Variants in CALN1 observed in about 807,000 individuals in gnomAD.
CALN1 encodes calcium-binding protein 8.
In CALN1, 17 loss-of-function variants were observed where a neutral mutation model predicts 30.6. The ratio of observed to expected loss-of-function variants is 0.56; its 90% CI spans 0.38 to 0.83. The LOEUF (loss-of-function observed/expected upper bound fraction) is 0.83. CALN1 is among the 40% of genes least tolerant of loss of function. CALN1 has a pLI of 0.00. For missense variants in CALN1, 291 were observed against 354.9 expected (o/e 0.82, Z 1.45); for synonymous variants, 156 against 131.4 (o/e 1.19, Z -1.28).
intron 5 of CALN1, chr7:71,942,563 C>T (rs115737509): frequency 0.017 from 2,601 of 153,152 alleles, 80 homozygotes; most frequent in African/African-American, 0.059. Flanking sequence ...ATTTTTTGCC[C>T]GCCACACGGG....
intron 5 of CALN1, among the ~76,000 whole-genome samples, chr7:71,953,554 G>T (rs945841191): frequency 3.9e-5 from 6 of 152,010 alleles, no homozygotes; most frequent in African/African-American, 1.5e-4. Flanking sequence ...TCTCTTTCTG[G>T]TGTTTTCCGC....
intron 5 of CALN1, among the ~76,000 whole-genome samples, chr7:71,876,636 T>A (rs1295166014): frequency 6.6e-6 from 1 of 152,168 alleles, no homozygotes; most frequent in Non-Finnish European, 1.5e-5. Context: ...GGGGAGAATG[T>A]GATTTAGAGA....
upstream of CALN1, among the ~76,000 whole-genome samples, chr7:72,447,427 G>T (rs2129564626): frequency 6.6e-6 from 1 of 152,248 alleles, no homozygotes; most frequent in South Asian, 2.1e-4. Flanking sequence ...GTGGACCCAC[G>T]CACTGCCTAC....
chr7:71,978,443 T>C (rs1798219225), intron 5 of CALN1, among the ~76,000 whole-genome samples: 1 of 151,608 alleles, frequency 6.6e-6, no homozygotes, highest in Non-Finnish European at 1.5e-5. Context: ...CAGCTAATTT[T>C]TTTTGTATTT....
At chr7:71,990,880 G>C (rs1253840944) in intron 5 of CALN1, among the ~76,000 whole-genome samples, 1 of 152,034 alleles carries the variant, frequency 6.6e-6, no homozygotes, top group Non-Finnish European at 1.5e-5. Flanking sequence ...GGTCTGGATT[G>C]GGGCCCGTTT....
At chr7:72,454,078 T>A in the CALN1 span, among the ~76,000 whole-genome samples, 1 of 152,110 alleles carries the variant, frequency 6.6e-6, no homozygotes, top group African/African-American at 2.4e-5. Flanking sequence ...GCTTGTTATC[T>A]AATTGTGTTA....
chr7:72,246,230 C>T (rs1349386274), intron 3 of CALN1, among the ~76,000 whole-genome samples: 5 of 152,186 alleles, frequency 3.3e-5, no homozygotes, highest in Admixed American at 1.3e-4. Context: ...CCTTTTTCCT[C>T]TCTCAGATAG....
chr7:72,250,098 C>A (rs1335655550), intron 3 of CALN1, among the ~76,000 whole-genome samples: 1 of 152,180 alleles, frequency 6.6e-6, no homozygotes, highest in Non-Finnish European at 1.5e-5. Context: ...CTATCCTTCA[C>A]CCAACACCAC....
intron 2 of CALN1, among the ~76,000 whole-genome samples, chr7:72,341,318 T>A (rs973934922): frequency 6.6e-5 from 10 of 151,970 alleles, no homozygotes; most frequent in Non-Finnish European, 1.5e-4. Flanking sequence ...AGGTCAGGGG[T>A]TCGACACCAG....
At chr7:72,362,811 C>T (rs929552795) in intron 2 of CALN1, among the ~76,000 whole-genome samples, 1 of 152,172 alleles carries the variant, frequency 6.6e-6, no homozygotes, top group Non-Finnish European at 1.5e-5. Context: ...CCAGCCATCA[C>T]CTCCTCGGGC....
intron 1 of CALN1, among the ~76,000 whole-genome samples, chr7:72,424,587 T>C (rs2129563787): frequency 6.6e-6 from 1 of 152,222 alleles, no homozygotes; most frequent in South Asian, 2.1e-4. Context: ...ATTCTGTCTC[T>C]TAATTTATTT....
chr7:72,066,971 T>G (rs1804065895), intron 4 of CALN1, among the ~76,000 whole-genome samples: 1 of 151,306 alleles, frequency 6.6e-6, no homozygotes, highest in African/African-American at 2.4e-5. Flanking sequence ...TGTATTTTAG[T>G]AGAGATGGGG....
chr7:72,348,177 AAGTT>A (rs1176794581), intron 2 of CALN1, among the ~76,000 whole-genome samples: 2 of 152,232 alleles, frequency 1.3e-5, no homozygotes, highest in Non-Finnish European at 2.9e-5. Context: ...TCAACATAGT[AAGTT>A]AGTTTCCTTC....
intron 3 of CALN1, among the ~76,000 whole-genome samples, chr7:72,133,999 T>TGGCATTAAAA (rs1054589133): frequency 6.6e-6 from 1 of 152,210 alleles, no homozygotes; most frequent in Non-Finnish European, 1.5e-5. Context: ...CCCATTGTGG[T>TGGCATTAAAA]GGCATTAAAA....
In CALN1 at chr7:72,400,439, A is replaced by T. The variant is rs143441539; in HGVS notation, c.119+2812T>A. On this transcript the variant is annotated intron_variant, in intron 2 of 6. Transcript: ENST00000395275. ...TTTCTCAGATTTTCCACATCCTTCT[A>T]GGTCCTTGATGATGAGCTAAATTTT... Among the ~76,000 whole-genome samples, 105 of 152,334 alleles carry T rather than the reference A, an allele frequency of 6.9e-4. 1 individual carries two copies. The highest frequency in any genetic ancestry group is 3.4e-3 in the Middle Eastern group (1 of 294).
chr7:72,007,047 C>T (rs1304252641), intron 5 of CALN1, among the ~76,000 whole-genome samples: 8 of 152,204 alleles, frequency 5.3e-5, no homozygotes, highest in Admixed American at 3.3e-4. Context: ...AGATGAGAGA[C>T]AGTTCTTCCT....
chr7:72,140,369 A>AGGGG (rs1809832880), intron 3 of CALN1, among the ~76,000 whole-genome samples: 1 of 18,762 alleles, frequency 5.3e-5, no homozygotes, highest in African/African-American at 2.3e-4. Context: ...GGAGGGAGGG[A>AGGGG]GGGAGGGAGG....
the CALN1 span, among the ~76,000 whole-genome samples, chr7:72,486,414 C>T: frequency 6.6e-6 from 1 of 152,016 alleles, no homozygotes; most frequent in Non-Finnish European, 1.5e-5. Context: ...TTCTGTCGCC[C>T]AGGCTGGAGT....
chr7:72,089,564 T>C (rs1437993302), intron 4 of CALN1, among the ~76,000 whole-genome samples: 2 of 152,122 alleles, frequency 1.3e-5, no homozygotes, highest in East Asian at 1.9e-4. Flanking sequence ...CAGAAAAAGG[T>C]AGGGCATCGT....
Sources: gnomAD v4.1 joint callset for allele counts (sites outside exome capture counted in the v4.1 genomes callset) on GRCh38, gnomAD v4.1.1 for gene constraint, MANE v1.5 for transcripts, NCBI Gene and HGNC (gene_info 2026-07-23, HGNC 2026-07-21) for gene names.